Variants in ATG16L1 observed in about 807,000 individuals in gnomAD.
ATG16L1 encodes autophagy-related protein 16-1.
ATG16L1 carries 37 observed loss-of-function variants against 88.5 expected under a neutral mutation model. That is an observed-to-expected ratio of 0.42 (90% CI 0.32 to 0.55). The LOEUF is 0.55. ATG16L1 is among the 20% of genes least tolerant of loss of function. ATG16L1 has a pLI of 0.13. For synonymous variants in ATG16L1, 301 were observed against 281.0 expected, an observed-to-expected ratio of 1.07 and a Z score of -0.71; for missense variants, 554 against 752.8, an observed-to-expected ratio of 0.74 and a Z score of 3.09.
At chr2:233,279,870 G>A (rs1035019529) in intron 10 of ATG16L1, among the ~76,000 whole-genome samples, 2 of 151,294 alleles carry the variant, frequency 1.3e-5, no homozygotes, top group East Asian at 1.9e-4. Context: ...CCTACATTTC[G>A]GCACTGTGTT....
At chr2:233,280,251 C>G (rs1698635328) in intron 10 of ATG16L1, among the ~76,000 whole-genome samples, 1 of 152,330 alleles carries the variant, frequency 6.6e-6, no homozygotes, top group African/African-American at 2.4e-5. Flanking sequence ...CTGTGTTCCT[C>G]TTTTACAAAT....
chr2:233,259,240 T>C (rs1697027722), intron 2 of ATG16L1, among the ~76,000 whole-genome samples: 1 of 152,104 alleles, frequency 6.6e-6, no homozygotes, highest in South Asian at 2.1e-4. Flanking sequence ...AAAGATGAGG[T>C]AATTGGGGCT....
At chr2:233,294,202 A>C in intron 17 of ATG16L1, 55 bp from the exon 18 acceptor site, 13 of 1,416,706 alleles carry the variant, frequency 9.2e-6, no homozygotes, top group African/African-American at 1.4e-5. Context: ...TGGTTTACCA[A>C]GATCTCATCC....
At position 233,264,040 on chromosome 2, in the gene ATG16L1, A is replaced by G. The variant is rs778085159; in HGVS notation, c.364A>G (p.Arg122Gly). Residue 122 changes from arginine to glycine, a missense_variant, in exon 4 of 18, where the codon AGG (arginine) becomes GGG (glycine). By Grantham distance (125) the Arg-to-Gly change is moderately radical. Around this residue, in one of 5 missense-constraint regions of ATG16L1, gnomAD observed 50 missense variants for 49.4 expected, o/e 1.01. Transcript: ENST00000392017. The stretch of plus-strand genomic sequence containing the variant: ...GAATAACCAAATGCAGCGGAAGGAC[A>G]GGGAGATGCAGATGAATGAAGCAAA... The part of the protein sequence containing the change: ...DLNNQMQRKD[R>G]EMQMNEAKIA... 2.5e-6 allele frequency: 4 copies of G among 1,614,056 alleles called. No individual in the cohort carries two copies. The Admixed American group carries it at 5.0e-5, about 20-fold the overall frequency.
intron 12 of ATG16L1, among the ~76,000 whole-genome samples, chr2:233,287,091 C>T (rs979528028): frequency 6.6e-6 from 1 of 152,180 alleles, no homozygotes; most frequent in South Asian, 2.1e-4. Flanking sequence ...CTGTGACAGA[C>T]TCTTAAAGAA....
intron 1 of ATG16L1, among the ~76,000 whole-genome samples, chr2:233,253,331 G>GTTT (rs1247381726): frequency 8.8e-5 from 9 of 102,822 alleles, no homozygotes; most frequent in Admixed American, 1.9e-4. Flanking sequence ...GGTGAGACTG[G>GTTT]GTTTTTTTGT....
Position 233,251,885 on chromosome 2 carries a change from C to G in ATG16L1, c.58C>G (p.Gln20Glu). The G allele has an allele frequency of 6.4e-7, 1 of 1,551,116 alleles. No homozygotes were observed. Among genetic ancestry groups the G allele is most frequent in the Non-Finnish European group, 8.7e-7 (1 of 1,147,676 alleles). ...CCGCTGGAAGCGCCACATCTCGGAG[C>G]AACTGAGGCGCCGGGACCGGCTGCA... ...FPRWKRHISE[Q>E]LRRRDRLQRQ... The change falls in exon 1 of 18, where the codon CAA becomes GAA. Residue 20 changes from glutamine to glutamate, a missense_variant. By Grantham distance (29) the Gln-to-Glu change is conservative (BLOSUM62 2). This residue lies in a region of ATG16L1 where 101 missense variants were observed against 107.0 expected (regional missense o/e 0.94). Transcript: ENST00000392017.
chr2:233,271,992 A>T (rs3792110), intron 6 of ATG16L1, among the ~76,000 whole-genome samples: 103,261 of 152,190 alleles, frequency 0.68, 35,305 homozygotes, highest in South Asian at 0.8. Context: ...TACTTTGACC[A>T]GGTTTAACTT....
In ATG16L1 at chr2:233,256,172, C is replaced by G; in HGVS notation, c.186C>G (p.Asp62Glu). Residue 62 changes from aspartate to glutamate, a missense_variant, in exon 2 of 18, where the codon GAC becomes GAG. This residue lies in a region of ATG16L1 where 101 missense variants were observed against 107.0 expected (regional missense o/e 0.94). Coordinates refer to ENST00000392017, the MANE Select transcript of ATG16L1 (RefSeq NM_030803.7). ...AGAAACTACAGGCTGAAAAGCATGA[C>G]GTACCAAACAGGCACGAGATAAGGT... Reference protein sequence around the residue: ...LAQKLQAEKHDVPNRHEISPG... With the variant: ...LAQKLQAEKHEVPNRHEISPG... The G allele has an allele frequency of 6.2e-7, 1 of 1,613,958 alleles. No individual in the cohort carries two copies. The highest frequency in any genetic ancestry group is 8.5e-7 in the Non-Finnish European group (1 of 1,179,918).
chr2:233,269,102 G>A (rs1697803354), intron 5 of ATG16L1, among the ~76,000 whole-genome samples: 1 of 152,196 alleles, frequency 6.6e-6, no homozygotes, highest in African/African-American at 2.4e-5. Context: ...TAGTGGATGA[G>A]ACTTTGACCA....
Position 233,273,003 on chromosome 2 carries a change from G to T in ATG16L1, c.745G>T (p.Asp249Tyr). The T allele has an allele frequency of 6.2e-7, 1 of 1,614,044 alleles. No homozygotes were observed. Among genetic ancestry groups the T allele is most frequent in the Non-Finnish European group, 8.5e-7 (1 of 1,179,974 alleles). The stretch of plus-strand genomic sequence containing the variant: ...TGAGGTCATTGTGGATGAAACTTCT[G>T]ATCACACAGAAGAGACCTCTCCTGT... Reference protein sequence around the residue: ...DIEVIVDETSDHTEETSPVRA... With the variant: ...DIEVIVDETSYHTEETSPVRA... The change falls in exon 7 of 18, where the codon GAT becomes TAT. Residue 249 changes from aspartate (D) to tyrosine (Y), a missense_variant. Physicochemically the swap from Asp to Tyr is radical, Grantham distance 160. Around this residue, in one of 5 missense-constraint regions of ATG16L1, gnomAD observed 370 missense variants for 509.7 expected, o/e 0.73. Coordinates refer to ENST00000392017, the MANE Select transcript of ATG16L1 (RefSeq NM_030803.7).
intron 17 of ATG16L1, 62 bp from the exon 18 acceptor site, chr2:233,294,195 T>C: frequency 7.4e-7 from 1 of 1,356,342 alleles, no homozygotes; most frequent in African/African-American, 1.5e-5. Flanking sequence ...TGGTGTTTGG[T>C]TTACCAAGAT....
chr2:233,258,036 T>A (rs1042078371), intron 2 of ATG16L1, among the ~76,000 whole-genome samples: 1 of 151,224 alleles, frequency 6.6e-6, no homozygotes, highest in Non-Finnish European at 1.5e-5. Flanking sequence ...TATCTATATA[T>A]CTATATATCT....
intron 5 of ATG16L1, among the ~76,000 whole-genome samples, chr2:233,269,256 A>C (rs1697815050): frequency 6.6e-6 from 1 of 152,222 alleles, no homozygotes; most frequent in South Asian, 2.1e-4. Context: ...TATTTACCTC[A>C]AAAGGTTGTT....
chr2:233,258,217 A>G (rs1480296167), intron 2 of ATG16L1, among the ~76,000 whole-genome samples: 2 of 152,216 alleles, frequency 1.3e-5, no homozygotes, highest in African/African-American at 2.4e-5. Context: ...GTATGGGGAC[A>G]GTAGCCATTA....
chr2:233,287,165 A>G (rs1434719865), intron 12 of ATG16L1, among the ~76,000 whole-genome samples: 2 of 152,216 alleles, frequency 1.3e-5, no homozygotes, highest in Non-Finnish European at 2.9e-5. Context: ...CTAAGATAGC[A>G]CAAGGATGTT....
chr2:233,253,506 C>T (rs1034660353), intron 1 of ATG16L1, among the ~76,000 whole-genome samples: 3 of 151,752 alleles, frequency 2.0e-5, no homozygotes, highest in Non-Finnish European at 4.4e-5. Flanking sequence ...CCGCCACGCC[C>T]AGCTAATTTT....
chr2:233,282,076 A>G (rs1698753717), intron 11 of ATG16L1, among the ~76,000 whole-genome samples: 1 of 152,222 alleles, frequency 6.6e-6, no homozygotes, highest in African/African-American at 2.4e-5. Context: ...GGTATGTTGT[A>G]TTGAAAGGTT....
At chr2:233,288,084 C>A (rs1028702984) in intron 12 of ATG16L1, among the ~76,000 whole-genome samples, 8 of 152,088 alleles carry the variant, frequency 5.3e-5, no homozygotes, top group Non-Finnish European at 1.2e-4. Flanking sequence ...CGGCACCCGA[C>A]TGGCAGCAGT....
Sources: gnomAD v4.1 joint callset for allele counts (sites outside exome capture counted in the v4.1 genomes callset) on GRCh38, gnomAD v4.1.1 for gene constraint, gnomAD v4.1.1 regional missense constraint, MANE v1.5 for transcripts, NCBI Gene and HGNC (gene_info 2026-07-23, HGNC 2026-07-21) for gene names.